PGBD5: variants seen among roughly 807,000 people sequenced by gnomAD.
The protein encoded by PGBD5 is piggyBac transposable element derived 5.
PGBD5 carries 14 observed loss-of-function variants against 47.9 expected under a neutral mutation model. The observed-to-expected ratio is 0.29, with a 90% CI of 0.19 to 0.46. The LOEUF (loss-of-function observed/expected upper bound fraction) is 0.46, where lower values mean the gene tolerates loss of function less well. Among genes scored for constraint, PGBD5 ranks in the 20% least tolerant of loss-of-function variants. The pLI is 1.00. For synonymous variants in PGBD5, 316 were observed against 306.3 expected, an observed-to-expected ratio of 1.03 and a Z score of -0.33; for missense variants, 635 against 716.0, an observed-to-expected ratio of 0.89 and a Z score of 1.29.
intron 1 of PGBD5, among the ~76,000 whole-genome samples, chr1:230,358,387 G>GT: frequency 6.6e-6 from 1 of 152,280 alleles, no homozygotes. Flanking sequence ...AGGCGGTTTT[G>GT]TAAGTAAAAC....
At chr1:230,398,902 G>A (rs1036349947) in intron 1 of PGBD5, among the ~76,000 whole-genome samples, 1 of 152,220 alleles carries the variant, frequency 6.6e-6, no homozygotes, top group African/African-American at 2.4e-5. Context: ...GTCTGAAACA[G>A]AAGCGGAAGG....
At position 230,323,747 on chromosome 1, in the gene PGBD5, C is replaced by T; in HGVS notation, c.1380-127G>A. On this transcript the variant is annotated intron_variant, in intron 6 of 6. Transcript: ENST00000391860. This position sits in a 1 kb window ranked among gnomAD's most constrained non-coding sequence, Gnocchi z 4.1. Reference sequence around the variant, plus strand: ...TTCGCCCCCGACAGAAGCAGGAGGGCTATGGGGGCAGGAGTCAGGCTTGGG... The same window carrying T: ...TTCGCCCCCGACAGAAGCAGGAGGGTTATGGGGGCAGGAGTCAGGCTTGGG... 1 of 866,480 alleles carries T rather than the reference C, an allele frequency of 1.2e-6. No individual in the cohort carries two copies. Among genetic ancestry groups the T allele is most frequent in the East Asian group, 2.5e-5 (1 of 39,330 alleles). The allele number at this position is 866,480 out of a possible 1,614,324, so 53.7% of individuals were successfully genotyped here.
intron 1 of PGBD5, among the ~76,000 whole-genome samples, chr1:230,406,796 C>T (rs538898778): frequency 1.3e-5 from 2 of 152,302 alleles, no homozygotes; most frequent in South Asian, 2.1e-4. Context: ...AACTATACCA[C>T]GTTAAAAATT....
At chr1:230,335,844 C>A (rs1014561918) in intron 4 of PGBD5, among the ~76,000 whole-genome samples, 1 of 122,798 alleles carries the variant, frequency 8.1e-6, no homozygotes, top group Admixed American at 8.5e-5. Flanking sequence ...CATACACACA[C>A]AGACACACAG....
chr1:230,410,816 A>G (rs1197010757), intron 1 of PGBD5, among the ~76,000 whole-genome samples: 1 of 152,186 alleles, frequency 6.6e-6, no homozygotes, highest in Non-Finnish European at 1.5e-5. Flanking sequence ...AAAAGATAAA[A>G]GTTCAAACTA....
intron 4 of PGBD5, among the ~76,000 whole-genome samples, chr1:230,334,761 G>A (rs942900635): frequency 1.3e-5 from 2 of 152,154 alleles, no homozygotes; most frequent in African/African-American, 4.8e-5. Context: ...CAGTTTAGAT[G>A]CTTCTAAAAA....
At chr1:230,393,831 A>G (rs918248077) in intron 1 of PGBD5, among the ~76,000 whole-genome samples, 4 of 150,854 alleles carry the variant, frequency 2.7e-5, no homozygotes, top group African/African-American at 7.3e-5. Flanking sequence ...TCTCAAAAAA[A>G]AAAAAAAAAA....
chr1:230,375,842 C>T (rs1217914339), intron 1 of PGBD5, among the ~76,000 whole-genome samples: 1 of 150,938 alleles, frequency 6.6e-6, no homozygotes, highest in Non-Finnish European at 1.5e-5. Context: ...TTGTTTTAAT[C>T]CTTCCACCCT....
chr1:230,370,865 C>T (rs1489114437), intron 1 of PGBD5, among the ~76,000 whole-genome samples: 2 of 152,302 alleles, frequency 1.3e-5, no homozygotes, highest in African/African-American at 2.4e-5. Flanking sequence ...CGAAGCTGCC[C>T]GTCTGTGATC....
At chr1:230,393,235 G>A (rs897443081) in intron 1 of PGBD5, among the ~76,000 whole-genome samples, 11 of 143,536 alleles carry the variant, frequency 7.7e-5, no homozygotes, top group East Asian at 2.1e-4. Context: ...GAGAGGAGGA[G>A]GAAGGAAGGG....
rs1167030851 is a variant in PGBD5 at position 230,321,716 on chromosome 1, T to C, written c.*1709A>G. 6.5e-6 allele frequency: 1 copy of C among 152,674 alleles called. No homozygotes were observed. Among genetic ancestry groups the C allele is most frequent in the Non-Finnish European group, 1.5e-5 (1 of 68,048 alleles). 9.5% of individuals were successfully genotyped at this position (152,674 alleles called of 1,614,324 possible). A position where few individuals can be genotyped will look rare whatever the true frequency, so the allele number is the denominator to read the frequency against. ...GAAAAGAAAATTCATCAGCTTTCAT[T>C]AGAGTCTCCTTAAGTGTTGGAAACA... On this transcript the variant is annotated 3_prime_UTR_variant, in exon 7 of 7. Coordinates refer to ENST00000391860, the MANE Select transcript of PGBD5 (RefSeq NM_001258311.2).
intron 1 of PGBD5, among the ~76,000 whole-genome samples, chr1:230,363,015 G>T (rs1276498271): frequency 6.6e-6 from 1 of 152,134 alleles, no homozygotes; most frequent in Non-Finnish European, 1.5e-5. Flanking sequence ...AAGTGGGGGT[G>T]GGCCTACTGA....
At chr1:230,384,788 T>G (rs1656594899) in intron 1 of PGBD5, among the ~76,000 whole-genome samples, 1 of 152,146 alleles carries the variant, frequency 6.6e-6, no homozygotes, top group African/African-American at 2.4e-5. Flanking sequence ...CTCAGGTGCT[T>G]AATTAAATAT....
chr1:230,347,032 A>G (rs2102698345), intron 3 of PGBD5, among the ~76,000 whole-genome samples: 1 of 152,274 alleles, frequency 6.6e-6, no homozygotes, highest in Non-Finnish European at 1.5e-5. Context: ...CTTACCAATA[A>G]ATAAATAAAT....
chr1:230,400,089 C>T (rs573563530), intron 1 of PGBD5, among the ~76,000 whole-genome samples: 2 of 152,362 alleles, frequency 1.3e-5, no homozygotes, highest in Admixed American at 6.5e-5. Flanking sequence ...GCCTGCAAGG[C>T]CCTCTGTGCC....
intron 1 of PGBD5, among the ~76,000 whole-genome samples, chr1:230,367,352 A>C (rs1305186640): frequency 1.3e-5 from 2 of 152,154 alleles, no homozygotes; most frequent in Non-Finnish European, 2.9e-5. Context: ...TCCTCCATGA[A>C]AGGCAATGGA....
In PGBD5 at chr1:230,425,941, C is replaced by A. The variant is rs1350517334; in HGVS notation, c.-13G>T. The A allele has an allele frequency of 4.9e-5, 42 of 857,120 alleles. No individual in the cohort carries two copies. The African/African-American group carries it at 1.6e-3, about 32-fold the overall frequency. The allele number at this position is 857,120 out of a possible 1,614,324, so 53.1% of individuals were successfully genotyped here. A position where few individuals can be genotyped will look rare whatever the true frequency, so the allele number is the denominator to read the frequency against. ...CGCCCTCGGCCATGGCCCCGGCCGC[C>A]GCCCGCGCGCCCGCCCCCACAGTGC... On this transcript the variant is annotated 5_prime_UTR_variant, in exon 1 of 7. Transcript: ENST00000391860. The surrounding 1 kb of genome is among the most constrained non-coding windows in gnomAD (Gnocchi z 4.7).
intron 4 of PGBD5, 35 bp from the exon 5 acceptor site, chr1:230,333,076 C>T (rs1434203962): frequency 7.1e-6 from 11 of 1,557,802 alleles, no homozygotes; most frequent in Non-Finnish European, 9.6e-6. Flanking sequence ...GCACACTCAC[C>T]ACCATCGGAG....
chr1:230,328,802 T>C (rs1667163831), intron 5 of PGBD5, among the ~76,000 whole-genome samples: 1 of 152,206 alleles, frequency 6.6e-6, no homozygotes, highest in Non-Finnish European at 1.5e-5. Flanking sequence ...TGCCTTCCCA[T>C]TAGTCTTAGT....
Sources: allele counts gnomAD v4.1 joint callset (sites outside exome capture counted in the v4.1 genomes callset), GRCh38; gene constraint gnomAD v4.1.1; non-coding constraint Gnocchi (gnomAD v3.1); transcripts MANE v1.5; gene names NCBI Gene and HGNC (gene_info 2026-07-23, HGNC 2026-07-21).